Variants in PDE11A observed in about 807,000 individuals in gnomAD.
PDE11A encodes phosphodiesterase 11A.
A neutral mutation model predicts 100.5 loss-of-function variants in PDE11A; 100 were observed. The ratio of observed to expected loss-of-function variants is 1.00; its 90% CI spans 0.85 to 1.18. The LOEUF (loss-of-function observed/expected upper bound fraction) is 1.18. Among genes scored for constraint, PDE11A ranks in the 50% most tolerant of loss-of-function variants. The pLI is 0.00. For synonymous variants in PDE11A, 381 were observed against 420.8 expected, an observed-to-expected ratio of 0.91 and a Z score of 1.16; for missense variants, 1,141 against 1,152.6, an observed-to-expected ratio of 0.99 and a Z score of 0.15.
chr2:177,966,610 G>C (rs1438169641), intron 2 of PDE11A, among the ~76,000 whole-genome samples: 2 of 152,012 alleles, frequency 1.3e-5, no homozygotes, highest in African/African-American at 4.8e-5. Context: ...TCTGTAAGAT[G>C]ATCTTGTGGT....
At chr2:177,889,942 T>A (rs1223501367) in intron 4 of PDE11A, among the ~76,000 whole-genome samples, 1 of 152,194 alleles carries the variant, frequency 6.6e-6, no homozygotes, top group Admixed American at 6.5e-5. Context: ...TATCTTTGCA[T>A]GAGCCCCTGC....
intron 10 of PDE11A, among the ~76,000 whole-genome samples, chr2:177,747,263 A>C (rs1270342218): frequency 1.3e-5 from 2 of 152,248 alleles, no homozygotes; most frequent in Admixed American, 1.3e-4. Context: ...CCTGAAATAC[A>C]GCCAGCGTTC....
chr2:177,997,982 C>T, intron 2 of PDE11A: 1 of 1,201,846 alleles, frequency 8.3e-7, no homozygotes, highest in South Asian at 1.2e-5. Flanking sequence ...AGAACCTGCT[C>T]ACAGAAATAT....
chr2:177,696,264 C>T (rs1324309516), intron 15 of PDE11A, among the ~76,000 whole-genome samples: 1 of 151,990 alleles, frequency 6.6e-6, no homozygotes, highest in East Asian at 1.9e-4. Context: ...ACACACAGGT[C>T]ATAACATAAA....
intron 18 of PDE11A, among the ~76,000 whole-genome samples, chr2:177,667,909 G>A (rs1467659801): frequency 3.3e-5 from 5 of 152,142 alleles, no homozygotes; most frequent in Non-Finnish European, 5.9e-5. Context: ...GATACCTGAG[G>A]GGGCTCCAGG....
chr2:177,714,054 C>T (rs1434404479), intron 12 of PDE11A, among the ~76,000 whole-genome samples: 2 of 117,288 alleles, frequency 1.7e-5, no homozygotes, highest in Non-Finnish European at 3.2e-5. Flanking sequence ...AGTGCAGTGG[C>T]GCGATCTTGG....
chr2:177,947,977 T>C (rs946046477), intron 2 of PDE11A, among the ~76,000 whole-genome samples: 9 of 151,930 alleles, frequency 5.9e-5, no homozygotes, highest in African/African-American at 2.2e-4. Context: ...TTCCTTCATA[T>C]ATGTATATAG....
At position 177,669,574 on chromosome 2, in the gene PDE11A, CAT is replaced by C. The variant is rs751967724; in HGVS notation, c.2488-9_2488-8del. 3.8e-6 allele frequency: 5 copies of C among 1,316,480 alleles called. No individual in the cohort carries two copies. Among genetic ancestry groups the C allele is most frequent in the Non-Finnish European group, 5.5e-6 (5 of 909,054 alleles). The allele number at this position is 1,316,480 out of a possible 1,614,324, so 81.5% of individuals were successfully genotyped here. On this transcript the variant is annotated splice_polypyrimidine_tract_variant and splice_region_variant and intron_variant, in intron 17 of 19. Coordinates refer to ENST00000286063, the MANE Select transcript of PDE11A (RefSeq NM_016953.4). ...TGGTTACAAGTTCTGCCACCTGAAA[CAT>C]ATAAATATTTTAATCTGTGATTATG...
Position 177,893,653 on chromosome 2 carries a change from A to G in PDE11A, c.1302+4405T>C, listed in dbSNP as rs555994317. ...TGTAGATAACTATTGGTTATAACACATCTAAAAATGGAACTAGCACTTTGC... is the reference window on the plus strand; with the variant it reads ...TGTAGATAACTATTGGTTATAACACGTCTAAAAATGGAACTAGCACTTTGC... On this transcript the variant is annotated intron_variant, in intron 4 of 19. Transcript: ENST00000286063. Among the ~76,000 whole-genome samples the G allele has an allele frequency of 5.1e-3, 781 of 152,306 alleles. 3 individuals are homozygous for G. Among genetic ancestry groups the G allele is most frequent in the Non-Finnish European group, 7.9e-3 (537 of 68,016 alleles).
intron 2 of PDE11A, among the ~76,000 whole-genome samples, chr2:177,943,181 A>G (rs925544157): frequency 6.6e-6 from 1 of 152,224 alleles, no homozygotes; most frequent in Non-Finnish European, 1.5e-5. Flanking sequence ...TGCCATAAAC[A>G]TGGGTGTACA....
At chr2:177,946,492 TC>T (rs1196949791) in intron 2 of PDE11A, among the ~76,000 whole-genome samples, 618 of 810 alleles carry the variant, frequency 0.76, 225 homozygotes, top group African/African-American at 0.91. Flanking sequence ...AGCCGCCCCG[TC>T]CCGGGAAGGA....
intron 17 of PDE11A, among the ~76,000 whole-genome samples, chr2:177,671,237 T>C (rs554348234): frequency 2.0e-5 from 3 of 150,332 alleles, no homozygotes; most frequent in Non-Finnish European, 4.4e-5. Flanking sequence ...GTCGTTGCTC[T>C]TTCTCAAGTA....
chr2:177,965,428 C>G (rs996093537), intron 2 of PDE11A, among the ~76,000 whole-genome samples: 4 of 152,110 alleles, frequency 2.6e-5, no homozygotes, highest in Admixed American at 6.6e-5. Flanking sequence ...GTCATAAAAT[C>G]TTTGTCAGGA....
chr2:177,931,487 C>T (rs531068412), intron 2 of PDE11A, among the ~76,000 whole-genome samples: 1 of 152,204 alleles, frequency 6.6e-6, no homozygotes, highest in Non-Finnish European at 1.5e-5. Context: ...GAAATCAATA[C>T]CAAGAAGAGC....
chr2:178,037,751 C>G (rs2086634036), intron 1 of PDE11A, among the ~76,000 whole-genome samples: 1 of 152,168 alleles, frequency 6.6e-6, no homozygotes, highest in African/African-American at 2.4e-5. Context: ...AGCCACCAAT[C>G]TCAGCAAACT....
chr2:178,016,632 T>TA (rs1244043328), intron 1 of PDE11A, among the ~76,000 whole-genome samples: 25 of 152,256 alleles, frequency 1.6e-4, no homozygotes, highest in African/African-American at 6.0e-4. Context: ...ATGAAGGACT[T>TA]ATTTTTATAG....
chr2:177,779,769 G>T (rs2082426792), intron 9 of PDE11A, among the ~76,000 whole-genome samples: 6 of 152,116 alleles, frequency 3.9e-5, no homozygotes. Context: ...AGACATGAGG[G>T]TTAGAGTCAA....
chr2:177,753,755 C>G (rs995564436), intron 10 of PDE11A, among the ~76,000 whole-genome samples: 8 of 151,060 alleles, frequency 5.3e-5, no homozygotes, highest in Admixed American at 1.3e-4. Flanking sequence ...GCAGCACTTC[C>G]CTTTATCAGG....
intron 1 of PDE11A, among the ~76,000 whole-genome samples, chr2:178,065,224 A>G (rs187389153): frequency 2.0e-5 from 3 of 152,324 alleles, no homozygotes; most frequent in Admixed American, 2.0e-4. Context: ...GCAGCAAGCA[A>G]TGTACCTCAA....
Sources: allele counts gnomAD v4.1 joint callset (sites outside exome capture counted in the v4.1 genomes callset), GRCh38; gene constraint gnomAD v4.1.1; transcripts MANE v1.5; gene names NCBI Gene and HGNC (gene_info 2026-07-23, HGNC 2026-07-21).